Variants in ERBB4 observed in about 807,000 individuals in gnomAD.
The protein encoded by ERBB4 is receptor tyrosine-protein kinase erbB-4.
Under a neutral mutation model 158.0 loss-of-function variants are expected in ERBB4, and 42 were observed. The observed-to-expected ratio is 0.27, with a 90% confidence interval of 0.21 to 0.34. The LOEUF (loss-of-function observed/expected upper bound fraction) is 0.34. Among genes scored for constraint, ERBB4 ranks in the 10% least tolerant of loss-of-function variants. ERBB4 has a pLI of 1.00. For synonymous variants in ERBB4, 583 were observed against 558.7 expected (o/e 1.04, Z -0.61); for missense variants, 1,333 against 1,624.1 (o/e 0.82, Z 3.08).
chr2:211,972,805 G>A (rs2081491912), intron 2 of ERBB4, among the ~76,000 whole-genome samples: 1 of 152,102 alleles, frequency 6.6e-6, no homozygotes. Flanking sequence ...GAAAACCCTG[G>A]AAGACAACCT....
chr2:211,594,816 T>C (rs2068583113), intron 19 of ERBB4, among the ~76,000 whole-genome samples: 1 of 151,902 alleles, frequency 6.6e-6, no homozygotes, highest in Non-Finnish European at 1.5e-5. Context: ...TATTCTTTCA[T>C]TCCCTAAAGA....
intron 3 of ERBB4, among the ~76,000 whole-genome samples, chr2:211,795,299 G>T (rs182157896): frequency 1.2e-3 from 182 of 151,836 alleles, no homozygotes; most frequent in Admixed American, 3.6e-3. Flanking sequence ...GCAAAGGTGG[G>T]CCTTGTCCAC....
At chr2:212,292,973 G>T (rs963836459) in intron 1 of ERBB4, among the ~76,000 whole-genome samples, 10 of 151,986 alleles carry the variant, frequency 6.6e-5, no homozygotes, top group Admixed American at 2.0e-4. Flanking sequence ...GTATACAAAT[G>T]TGTAACTCCC....
At chr2:212,418,061 A>T (rs1485069679) in intron 1 of ERBB4, among the ~76,000 whole-genome samples, 1 of 151,984 alleles carries the variant, frequency 6.6e-6, no homozygotes, top group Non-Finnish European at 1.5e-5. Flanking sequence ...GAAGGCCCTT[A>T]CAAATAACTG....
At position 212,274,931 on chromosome 2, in the gene ERBB4, C is replaced by T. The variant is rs759344299; in HGVS notation, c.83-150028G>A. 7.9e-5 allele frequency among the ~76,000 whole-genome samples: 12 copies of T among 151,940 alleles called. No individual in the cohort carries two copies. In the South Asian group the frequency reaches 8.3e-4, roughly 11 times the overall value. ...ATGCTATCCCTCCCCTAGACCCCTA[C>T]CCACCAGCAGGCCCCACTGTGTGAT... On this transcript the variant is annotated intron_variant, in intron 1 of 27. Coordinates refer to ENST00000342788, the MANE Select transcript of ERBB4 (RefSeq NM_005235.3).
chr2:211,529,540 A>G (rs1269423134), intron 20 of ERBB4, among the ~76,000 whole-genome samples: 1 of 152,132 alleles, frequency 6.6e-6, no homozygotes, highest in African/African-American at 2.4e-5. Flanking sequence ...AGACAGACAC[A>G]TCGAAAAAGA....
At chr2:212,105,603 G>C (rs538641688) in intron 2 of ERBB4, among the ~76,000 whole-genome samples, 1 of 152,084 alleles carries the variant, frequency 6.6e-6, no homozygotes, top group Admixed American at 6.5e-5. Context: ...CATTTGTGTC[G>C]AAAAATGTTT....
At chr2:212,072,058 G>A (rs1435765637) in intron 2 of ERBB4, among the ~76,000 whole-genome samples, 1 of 151,900 alleles carries the variant, frequency 6.6e-6, no homozygotes, top group African/African-American at 2.4e-5. Flanking sequence ...AAAAAGCAAG[G>A]CTATATTTTA....
At chr2:211,919,390 A>G (rs1440809535) in intron 3 of ERBB4, among the ~76,000 whole-genome samples, 1 of 152,100 alleles carries the variant, frequency 6.6e-6, no homozygotes, top group Middle Eastern at 3.2e-3. Context: ...TTCCCCAAAT[A>G]TAGAGTTTAT....
chr2:211,645,671 A>T (rs1290443845), intron 16 of ERBB4, among the ~76,000 whole-genome samples: 1 of 151,650 alleles, frequency 6.6e-6, no homozygotes, highest in Non-Finnish European at 1.5e-5. Context: ...TTGGTGAAAA[A>T]CTTGCAGCCG....
chr2:211,465,060 C>A (rs544239727), intron 20 of ERBB4, among the ~76,000 whole-genome samples: 56 of 150,850 alleles, frequency 3.7e-4, no homozygotes, highest in Non-Finnish European at 6.0e-4. Context: ...TAGCTTACTG[C>A]AACCTTGAAC....
At chr2:212,097,330 T>C (rs1438738631) in intron 2 of ERBB4, among the ~76,000 whole-genome samples, 1 of 152,110 alleles carries the variant, frequency 6.6e-6, no homozygotes, top group Non-Finnish European at 1.5e-5. Context: ...CTGGAAAGAC[T>C]ACTAAGACTA....
intron 2 of ERBB4, among the ~76,000 whole-genome samples, chr2:211,993,097 G>A (rs1018559581): frequency 6.6e-6 from 1 of 152,132 alleles, no homozygotes; most frequent in Non-Finnish European, 1.5e-5. Flanking sequence ...GCACTGAGTT[G>A]TTTTCCCTCA....
chr2:212,067,723 T>C (rs1221226838), intron 2 of ERBB4, among the ~76,000 whole-genome samples: 2 of 152,014 alleles, frequency 1.3e-5, no homozygotes, highest in Non-Finnish European at 2.9e-5. Flanking sequence ...AGAACAAGAC[T>C]CCCTATTGTA....
At chr2:211,535,535 T>C (rs1018847273) in intron 20 of ERBB4, 1 of 151,880 alleles carries the variant, frequency 6.6e-6, no homozygotes, top group Non-Finnish European at 1.5e-5. Flanking sequence ...ATGTATTCTC[T>C]CTAGTGCTGC....
intron 5 of ERBB4, among the ~76,000 whole-genome samples, chr2:211,733,529 C>T (rs757290770): frequency 6.2e-5 from 9 of 146,320 alleles, no homozygotes; most frequent in Non-Finnish European, 1.3e-4. Context: ...TGATAGGCTG[C>T]AGATAAAGTA....
intron 1 of ERBB4, among the ~76,000 whole-genome samples, chr2:212,272,973 C>T (rs2106123542): frequency 6.6e-6 from 1 of 151,722 alleles, no homozygotes; most frequent in South Asian, 2.1e-4. Context: ...ATTTTACTTA[C>T]TTGGCAAGTT....
intron 2 of ERBB4, among the ~76,000 whole-genome samples, chr2:212,103,376 T>C (rs978043514): frequency 2.0e-5 from 3 of 152,080 alleles, no homozygotes; most frequent in African/African-American, 7.2e-5. Flanking sequence ...GTTAAACCTG[T>C]AAAAAGAAAC....
chr2:211,647,810 A>G (rs1160762918), intron 16 of ERBB4, among the ~76,000 whole-genome samples: 2 of 151,696 alleles, frequency 1.3e-5, no homozygotes, highest in Non-Finnish European at 3.0e-5. Flanking sequence ...TAGAAGGTCA[A>G]TACTTGCTTC....
Sources: gnomAD v4.1 joint callset for allele counts (sites outside exome capture counted in the v4.1 genomes callset) on GRCh38, gnomAD v4.1.1 for gene constraint, MANE v1.5 for transcripts, NCBI Gene and HGNC (gene_info 2026-07-23, HGNC 2026-07-21) for gene names.